Variants in GPAT4 observed in about 807,000 individuals in gnomAD.
The protein encoded by GPAT4 is glycerol-3-phosphate acyltransferase 4.
In GPAT4, 17 loss-of-function variants were observed where a neutral mutation model predicts 58.0. The observed-to-expected ratio is 0.29, with a 90% CI of 0.20 to 0.44. The LOEUF is 0.44. GPAT4 is among the 20% of genes least tolerant of loss of function. The probability of loss-of-function intolerance (pLI) is 1.00; values close to 1 mark genes in which losing one functional copy is unlikely to be tolerated. For missense variants in GPAT4, 377 were observed against 574.5 expected, an observed-to-expected ratio of 0.66 and a Z score of 3.51; for synonymous variants, 204 against 210.1, an observed-to-expected ratio of 0.97 and a Z score of 0.25.
intron 1 of GPAT4, among the ~76,000 whole-genome samples, chr8:41,593,587 T>G (rs1341178155): frequency 6.6e-6 from 1 of 152,192 alleles, no homozygotes; most frequent in Non-Finnish European, 1.5e-5. Context: ...GCTGCTTTCT[T>G]GACTCGGGTG....
chr8:41,596,614 A>G lies in GPAT4; in HGVS notation c.-848-1678A>G, dbSNP rs147247149. ...CTCTGGCGACATGTCCCATGGGGCA[A>G]TTGCCTACCCAGGAGCGCTCTTTGG... On this transcript the variant is annotated intron_variant, in intron 1 of 12. Coordinates refer to ENST00000396987, the MANE Select transcript of GPAT4 (RefSeq NM_178819.4). Among the ~76,000 whole-genome samples, 1,061 of 152,278 alleles carry G rather than the reference A, an allele frequency of 7.0e-3. 6 individuals carry two copies. Among genetic ancestry groups the G allele is most frequent in the Non-Finnish European group, 0.012 (796 of 68,026 alleles).
Position 41,615,022 on chromosome 8 carries a change from G to A in GPAT4, c.1027G>A (p.Ala343Thr). ...MFKKGSFEIG[A>T]TVYPVAIKYD... ...CAAAAAGGGAAGTTTTGAAATTGGAGCCACAGTTTACCCTGTTGCTATCAA... is the reference window on the plus strand; with the variant it reads ...CAAAAAGGGAAGTTTTGAAATTGGAACCACAGTTTACCCTGTTGCTATCAA... Residue 343 changes from alanine (A) to threonine (T), a missense_variant, in exon 10 of 13, where the codon GCC (alanine) becomes ACC (threonine). By Grantham distance (58) the Ala-to-Thr change is moderately conservative. Coordinates refer to ENST00000396987, the MANE Select transcript of GPAT4 (RefSeq NM_178819.4). 1.2e-6 allele frequency: 2 copies of A among 1,613,968 alleles called. No homozygotes were observed. Among genetic ancestry groups the A allele is most frequent in the East Asian group, 2.2e-5 (1 of 44,876 alleles).
chr8:41,601,006 T>G (rs1297077029), intron 2 of GPAT4, among the ~76,000 whole-genome samples: 1 of 152,114 alleles, frequency 6.6e-6, no homozygotes, highest in Non-Finnish European at 1.5e-5. Context: ...TGGTCATCCT[T>G]TCATCCATTG....
intron 1 of GPAT4, among the ~76,000 whole-genome samples, chr8:41,582,478 T>TAC (rs1563266400): frequency 9.3e-6 from 1 of 108,020 alleles, no homozygotes; most frequent in Non-Finnish European, 2.1e-5. Context: ...CACACACACA[T>TAC]CTTTCTTTCT....
chr8:41,614,025 G>A (rs766959303), intron 8 of GPAT4, among the ~76,000 whole-genome samples: 68 of 152,318 alleles, frequency 4.5e-4, no homozygotes, highest in Admixed American at 2.8e-3. Flanking sequence ...GAGCCAGCAG[G>A]GCTGGGCCCA....
chr8:41,604,125 T>G (rs1204569714), intron 2 of GPAT4, among the ~76,000 whole-genome samples: 1 of 152,158 alleles, frequency 6.6e-6, no homozygotes, highest in Non-Finnish European at 1.5e-5. Flanking sequence ...TTACTTGTTG[T>G]TGTGTGTCTA....
intron 9 of GPAT4, 29 bp downstream of exon 9, chr8:41,614,470 C>T (rs767202415): frequency 1.2e-6 from 2 of 1,610,320 alleles, no homozygotes; most frequent in East Asian, 4.5e-5. Flanking sequence ...CCACGAAGGG[C>T]TTCTGTGGGG....
chr8:41,624,107 G>C lies in GPAT4; in HGVS notation c.*3106G>C, dbSNP rs1803842194. ...TCTCCTTGGCCTCCCAAAGTTCTGG[G>C]ATTACAGGCGTGAGCCACTGCGCCC... is the stretch of plus-strand genomic sequence containing the variant. On this transcript the variant is annotated 3_prime_UTR_variant, in exon 13 of 13. Coordinates refer to ENST00000396987, the MANE Select transcript of GPAT4 (RefSeq NM_178819.4). 1 of 152,430 alleles carries C rather than the reference G, an allele frequency of 6.6e-6. No homozygotes were observed. Among genetic ancestry groups the C allele is most frequent in the Admixed American group, 6.5e-5 (1 of 15,300 alleles). The allele number at this position is 152,430 out of a possible 1,614,324, so 9.4% of individuals were successfully genotyped here. A position where few individuals can be genotyped will look rare whatever the true frequency, so the allele number is the denominator to read the frequency against.
At chr8:41,581,933 G>C (rs547128273) in intron 1 of GPAT4, among the ~76,000 whole-genome samples, 2 of 136,284 alleles carry the variant, frequency 1.5e-5, no homozygotes, top group African/African-American at 5.4e-5. Flanking sequence ...GCACCCGGCC[G>C]ACTTGTTTGA....
At chr8:41,587,099 G>C (rs1802675166) in intron 1 of GPAT4, among the ~76,000 whole-genome samples, 1 of 152,214 alleles carries the variant, frequency 6.6e-6, no homozygotes, top group African/African-American at 2.4e-5. Context: ...CAGAATTACT[G>C]TGAGAGTCTC....
At chr8:41,615,389 T>C (rs552910056) in intron 10 of GPAT4, among the ~76,000 whole-genome samples, 1 of 150,924 alleles carries the variant, frequency 6.6e-6, no homozygotes, top group East Asian at 2.0e-4. Context: ...AGCTGGCTGA[T>C]TGCAGGGCAC....
At chr8:41,582,672 A>AGTGT (rs1195801606) in intron 1 of GPAT4, among the ~76,000 whole-genome samples, 36 of 106,660 alleles carry the variant, frequency 3.4e-4, no homozygotes, top group South Asian at 1.4e-3. Context: ...GGAGAGAGAG[A>AGTGT]GAGTGTGTGT....
chr8:41,615,348 C>A (rs941290428), intron 10 of GPAT4, among the ~76,000 whole-genome samples: 11 of 151,934 alleles, frequency 7.2e-5, no homozygotes, highest in Non-Finnish European at 7.4e-5. Flanking sequence ...CTTCATAAAC[C>A]TAGCTGGAAT....
chr8:41,587,379 C>T (rs1250673091), intron 1 of GPAT4, among the ~76,000 whole-genome samples: 3 of 151,886 alleles, frequency 2.0e-5, no homozygotes, highest in Non-Finnish European at 4.4e-5. Flanking sequence ...TTCAAATTCC[C>T]CTTCTCCTTC....
At chr8:41,594,793 C>T (rs1243619863) in intron 1 of GPAT4, among the ~76,000 whole-genome samples, 1 of 152,146 alleles carries the variant, frequency 6.6e-6, no homozygotes, top group East Asian at 1.9e-4. Context: ...GATCTGCCCG[C>T]CTCGGCCTCC....
In GPAT4 at chr8:41,609,464, C is replaced by CT; in HGVS notation, c.217dup (p.Tyr73LeufsTer28). On this transcript the variant is annotated frameshift_variant, in exon 3 of 13. Transcript: ENST00000396987. LOFTEE classifies it high-confidence loss of function. ...AGGAGCCAAGGAGAAGAACCACCAG[C>CT]TTTACAAGCCCTACACCAACGGTAA... is the stretch of plus-strand genomic sequence containing the variant. 1 of 1,614,142 alleles carries CT rather than the reference C, an allele frequency of 6.2e-7. No individual in the cohort carries two copies. Among genetic ancestry groups the CT allele is most frequent in the South Asian group, 1.1e-5 (1 of 91,078 alleles).
chr8:41,600,026 T>TTTTTC (rs1383104470), intron 2 of GPAT4, among the ~76,000 whole-genome samples: 9 of 138,968 alleles, frequency 6.5e-5, no homozygotes, highest in South Asian at 2.3e-4. Flanking sequence ...ATATTTTATC[T>TTTTTC]TTTTCTTTTC....
intron 10 of GPAT4, among the ~76,000 whole-genome samples, chr8:41,616,936 C>T (rs913944842): frequency 2.0e-5 from 3 of 152,108 alleles, no homozygotes; most frequent in Non-Finnish European, 4.4e-5. Context: ...AGGAGTGTGT[C>T]GCTGTGTTGA....
intron 2 of GPAT4, among the ~76,000 whole-genome samples, chr8:41,604,291 C>T (rs1179813486): frequency 6.6e-6 from 1 of 152,176 alleles, no homozygotes; most frequent in Non-Finnish European, 1.5e-5. Context: ...TTTCCCATGA[C>T]TAGTTCTCCC....
Sources: allele counts gnomAD v4.1 joint callset (sites outside exome capture counted in the v4.1 genomes callset), GRCh38; gene constraint gnomAD v4.1.1; transcripts MANE v1.5; gene names NCBI Gene and HGNC (gene_info 2026-07-23, HGNC 2026-07-21).